The following RIMS1 variants were observed in gnomAD, a reference collection of about 807,000 sequenced individuals.
RIMS1 encodes regulating synaptic membrane exocytosis 1.
RIMS1 carries 83 observed loss-of-function variants against 214.1 expected under a neutral mutation model. The observed-to-expected ratio is 0.39, with a 90% CI of 0.32 to 0.47. The LOEUF (loss-of-function observed/expected upper bound fraction) is 0.47. Ranked by LOEUF, RIMS1 falls within the 20% of genes least tolerant of loss-of-function variation. The pLI is 0.99. For missense variants in RIMS1, 2,050 were observed against 2,161.8 expected (o/e 0.95, Z 1.03); for synonymous variants, 793 against 786.8 (o/e 1.01, Z -0.13).
chr6:71,923,834 G>C (rs1199146377), intron 1 of RIMS1, among the ~76,000 whole-genome samples: 1 of 152,116 alleles, frequency 6.6e-6, no homozygotes. Context: ...AAAGTGCTGG[G>C]ATTACAGATG....
intron 11 of RIMS1, among the ~76,000 whole-genome samples, chr6:72,246,381 A>G (rs561048094): frequency 5.9e-5 from 9 of 152,336 alleles, no homozygotes; most frequent in Non-Finnish European, 8.8e-5. Context: ...AGAATTATCT[A>G]TATGGGAATT....
In RIMS1 at chr6:72,309,574, A is replaced by C. The variant is rs568146701; in HGVS notation, c.3963+2204A>C. The stretch of plus-strand genomic sequence containing the variant: ...TTTCAATTTACCTAAAAATTAGATT[A>C]GCATATTCTATCTTTCCTCCCTCCT... On this transcript the variant is annotated intron_variant, in intron 27 of 33. Transcript: ENST00000521978. Among the ~76,000 whole-genome samples the C allele has an allele frequency of 2.8e-3, 428 of 152,206 alleles. 4 individuals carry two copies. Among genetic ancestry groups the C allele is most frequent in the African/African-American group, 9.8e-3 (408 of 41,556 alleles).
chr6:71,915,666 A>G (rs905374192), intron 1 of RIMS1, among the ~76,000 whole-genome samples: 8 of 152,160 alleles, frequency 5.3e-5, no homozygotes, highest in Non-Finnish European at 7.3e-5. Flanking sequence ...GGATTACATG[A>G]GTTAGTATTT....
intron 23 of RIMS1, among the ~76,000 whole-genome samples, chr6:72,274,913 C>T (rs1416606054): frequency 1.3e-5 from 2 of 151,256 alleles, no homozygotes; most frequent in Non-Finnish European, 2.9e-5. Flanking sequence ...AGTAAAATAC[C>T]TGGTTTTTAT....
intron 1 of RIMS1, among the ~76,000 whole-genome samples, chr6:71,944,763 G>A (rs1351463097): frequency 2.0e-5 from 3 of 152,234 alleles, no homozygotes; most frequent in South Asian, 2.1e-4. Context: ...GATGTCGGCC[G>A]AAGAGTACTC....
At chr6:72,289,532 G>A (rs146410625) in intron 24 of RIMS1, among the ~76,000 whole-genome samples, 5 of 152,212 alleles carry the variant, frequency 3.3e-5, no homozygotes, top group South Asian at 2.1e-4. Flanking sequence ...AGTAAAATAC[G>A]CCTTTATTAA....
intron 2 of RIMS1, among the ~76,000 whole-genome samples, chr6:72,082,359 C>T (rs1833603818): frequency 6.6e-6 from 1 of 152,088 alleles, no homozygotes; most frequent in African/African-American, 2.4e-5. Flanking sequence ...TGTCTCACAC[C>T]TCCCTAAGTG....
At chr6:72,393,572 A>G (rs940819006) in intron 31 of RIMS1, among the ~76,000 whole-genome samples, 1 of 151,960 alleles carries the variant, frequency 6.6e-6, no homozygotes, top group Non-Finnish European at 1.5e-5. Flanking sequence ...AAAAATACAA[A>G]AAAAATTAGC....
At position 72,161,375 on chromosome 6, in the gene RIMS1, G is replaced by A. The variant is rs1258111766; in HGVS notation, c.472-18200G>A. ...TTGATTTTTTTGAAGGGCTTTTTGT[G>A]TCTCTGTGTCCTTCAGTTCTGCTCT... On this transcript the variant is annotated intron_variant, in intron 4 of 33. Coordinates refer to ENST00000521978, the MANE Select transcript of RIMS1 (RefSeq NM_014989.7). Among the ~76,000 whole-genome samples the A allele has an allele frequency of 1.4e-5, 2 of 139,750 alleles. 1 individual carries two copies. Among genetic ancestry groups the A allele is most frequent in the Non-Finnish European group, 3.3e-5 (2 of 61,526 alleles). 91.7% of individuals were successfully genotyped at this position (139,750 alleles called of 152,430 possible).
chr6:72,175,942 T>A (rs1301646244), intron 4 of RIMS1, among the ~76,000 whole-genome samples: 2 of 152,202 alleles, frequency 1.3e-5, no homozygotes, highest in Non-Finnish European at 2.9e-5. Flanking sequence ...AATAGTTTAT[T>A]GTACTTCTTA....
At chr6:72,336,513 A>G (rs2096849649) in intron 29 of RIMS1, among the ~76,000 whole-genome samples, 1 of 151,820 alleles carries the variant, frequency 6.6e-6, no homozygotes, top group Non-Finnish European at 1.5e-5. Context: ...TGGAAAAAGG[A>G]AATGGGATTA....
intron 29 of RIMS1, among the ~76,000 whole-genome samples, chr6:72,369,853 G>A (rs1389447557): frequency 1.3e-5 from 2 of 152,140 alleles, no homozygotes; most frequent in Non-Finnish European, 2.9e-5. Context: ...TGGAAATTAT[G>A]ATTTGCAACT....
chr6:72,288,322 G>A (rs1563601605), intron 24 of RIMS1, among the ~76,000 whole-genome samples: 1 of 152,210 alleles, frequency 6.6e-6, no homozygotes, highest in Non-Finnish European at 1.5e-5. Flanking sequence ...ATACTTGTAT[G>A]TATAAACCTA....
At chr6:72,046,521 G>C (rs774633266) in intron 2 of RIMS1, among the ~76,000 whole-genome samples, 1 of 152,030 alleles carries the variant, frequency 6.6e-6, no homozygotes, top group Non-Finnish European at 1.5e-5. Context: ...GGATGGGAAC[G>C]GGGAAAGGTA....
At chr6:72,083,369 A>C (rs748325963) in intron 2 of RIMS1, among the ~76,000 whole-genome samples, 19 of 152,296 alleles carry the variant, frequency 1.2e-4, no homozygotes, top group Non-Finnish European at 2.4e-4. Flanking sequence ...TGACCATAAA[A>C]ATGCCGAAAA....
chr6:72,012,787 C>T (rs1811269743), intron 2 of RIMS1, among the ~76,000 whole-genome samples: 1 of 152,166 alleles, frequency 6.6e-6, no homozygotes, highest in Admixed American at 6.6e-5. Flanking sequence ...GCTAGAGAAT[C>T]ACATGACTTA....
Position 72,135,590 on chromosome 6 carries a change from G to A in RIMS1, c.471+35604G>A, listed in dbSNP as rs78916909. ...GTTTAGTGTGGGTGTCAGGGTATGA[G>A]GGAATAGGAGAGCCTGAGGTGACTT... On this transcript the variant is annotated intron_variant, in intron 4 of 33. Coordinates refer to ENST00000521978, the MANE Select transcript of RIMS1 (RefSeq NM_014989.7). Among the ~76,000 whole-genome samples the A allele has an allele frequency of 7.9e-5, 12 of 152,252 alleles. No homozygotes were observed. The East Asian group carries it at 2.3e-3, about 29-fold the overall frequency.
At chr6:71,923,468 G>T (rs980565418) in intron 1 of RIMS1, among the ~76,000 whole-genome samples, 1 of 152,174 alleles carries the variant, frequency 6.6e-6, no homozygotes, top group African/African-American at 2.4e-5. Flanking sequence ...ATGCGTCACT[G>T]TCATCTCCAC....
At chr6:72,104,627 G>A (rs1346878067) in intron 4 of RIMS1, among the ~76,000 whole-genome samples, 2 of 152,110 alleles carry the variant, frequency 1.3e-5, no homozygotes, top group Non-Finnish European at 2.9e-5. Flanking sequence ...TACCTACCAA[G>A]AATAGAATTT....
Sources: gnomAD v4.1 joint callset for allele counts (sites outside exome capture counted in the v4.1 genomes callset) on GRCh38, gnomAD v4.1.1 for gene constraint, MANE v1.5 for transcripts, NCBI Gene and HGNC (gene_info 2026-07-23, HGNC 2026-07-21) for gene names.